Variants in SCN9A observed in about 807,000 individuals in gnomAD.
SCN9A encodes sodium channel protein type 9 subunit alpha.
Under a neutral mutation model 187.0 loss-of-function variants are expected in SCN9A, and 131 were observed. That is an observed-to-expected ratio of 0.70 (90% CI 0.61 to 0.81). The LOEUF (loss-of-function observed/expected upper bound fraction) is 0.81. Among genes scored for constraint, SCN9A ranks in the 30% least tolerant of loss-of-function variants. SCN9A has a pLI of 0.00. For synonymous variants in SCN9A, 809 were observed against 808.6 expected, an observed-to-expected ratio of 1.00 and a Z score of -0.01; for missense variants, 2,252 against 2,396.6, an observed-to-expected ratio of 0.94 and a Z score of 1.26.
chr2:166,303,879 A>C (rs1340369342), intron 6 of SCN9A, among the ~76,000 whole-genome samples: 4 of 152,176 alleles, frequency 2.6e-5, no homozygotes, highest in African/African-American at 9.6e-5. Flanking sequence ...CTAAAGACCC[A>C]TGCAATTGAT....
chr2:166,253,891 T>C (rs1237613426), intron 17 of SCN9A, among the ~76,000 whole-genome samples: 1 of 151,842 alleles, frequency 6.6e-6, no homozygotes, highest in Non-Finnish European at 1.5e-5. Context: ...GGTTTTTCTC[T>C]GAGCTGGTAA....
At chr2:166,211,651 G>A (rs1263831064) in intron 24 of SCN9A, among the ~76,000 whole-genome samples, 1 of 151,972 alleles carries the variant, frequency 6.6e-6, no homozygotes, top group Non-Finnish European at 1.5e-5. Context: ...AAAGTGTGAG[G>A]GAGGTATTAA....
Position 166,311,505 on chromosome 2 carries a change from G to A in SCN9A, c.252C>T (p.Asp84=), listed in dbSNP as rs752915464. ...PLEDLDPYYA[D]KKTFIVLNKG... Reference sequence around the variant, plus strand: ...GAAGTCAAAATAAACTCACCTTTTTGTCTGCATAGTAGGGGTCCAAGTCCT... The same window carrying A: ...GAAGTCAAAATAAACTCACCTTTTTATCTGCATAGTAGGGGTCCAAGTCCT... The change falls in exon 2 of 27, where the codon GAC becomes GAT. Residue 84 remains aspartate, a synonymous_variant. Transcript: ENST00000642356. The A allele has an allele frequency of 5.8e-6, 9 of 1,552,836 alleles. No homozygotes were observed. Among genetic ancestry groups the A allele is most frequent in the Non-Finnish European group, 7.0e-6 (8 of 1,147,490 alleles).
At chr2:166,254,643 A>G (rs1180805943) in intron 17 of SCN9A, among the ~76,000 whole-genome samples, 2 of 151,498 alleles carry the variant, frequency 1.3e-5, no homozygotes, top group African/African-American at 4.8e-5. Context: ...TCATTTCTTT[A>G]AACTCAATCA....
At chr2:166,344,926 C>T (rs1699865771) in intron 1 of SCN9A, among the ~76,000 whole-genome samples, 1 of 152,104 alleles carries the variant, frequency 6.6e-6, no homozygotes, top group African/African-American at 2.4e-5. Flanking sequence ...GAATCATGTC[C>T]TTTGTTATCT....
chr2:166,306,409 A>G (rs1698758528), intron 4 of SCN9A, 101 bp downstream of exon 4: 2 of 737,166 alleles, frequency 2.7e-6, no homozygotes, highest in Admixed American at 2.1e-5. Flanking sequence ...GGGAAGGTAA[A>G]GATTCCCCAT....
intron 26 of SCN9A, 46 bp downstream of exon 26, chr2:166,203,909 T>C: frequency 8.2e-7 from 1 of 1,224,144 alleles, no homozygotes; most frequent in South Asian, 1.5e-5. Flanking sequence ...ATAAGTGAAG[T>C]TTAGCTTTAC....
chr2:166,236,122 T>G (rs1427402700), intron 20 of SCN9A, among the ~76,000 whole-genome samples: 1 of 152,078 alleles, frequency 6.6e-6, no homozygotes, highest in Non-Finnish European at 1.5e-5. Flanking sequence ...CTACATTCCT[T>G]CTATAATTTC....
chr2:166,279,422 G>GC (rs1462729621), intron 14 of SCN9A, among the ~76,000 whole-genome samples: 1 of 152,064 alleles, frequency 6.6e-6, no homozygotes, highest in East Asian at 1.9e-4. Context: ...AGATTCTCTG[G>GC]CCCTAAAAAT....
chr2:166,267,656 T>G (rs1336406226), intron 17 of SCN9A, among the ~76,000 whole-genome samples: 1 of 152,010 alleles, frequency 6.6e-6, no homozygotes, highest in East Asian at 1.9e-4. Context: ...TTTAAATGTT[T>G]GGTAGAATTC....
intron 1 of SCN9A, among the ~76,000 whole-genome samples, chr2:166,356,790 G>A (rs1700160474): frequency 6.6e-6 from 1 of 152,158 alleles, no homozygotes; most frequent in Non-Finnish European, 1.5e-5. Flanking sequence ...GTATCAGCAT[G>A]TATAAAGCTA....
Position 166,288,637 on chromosome 2 carries a change from G to GC in SCN9A, c.1113dup (p.Arg372AlafsTer35). 1 of 1,582,238 alleles carries GC rather than the reference G, an allele frequency of 6.3e-7. No homozygotes were observed. The highest frequency in any genetic ancestry group is 8.6e-7 in the Non-Finnish European group (1 of 1,161,434). On this transcript the variant is annotated frameshift_variant, in exon 10 of 27. Transcript: ENST00000642356. LOFTEE classifies it high-confidence loss of function. ...ATCATGTAGGTTTTGCCAGCAGCAC[G>GC]CAGCGTCTAGGGAAAAATGGAAATT...
chr2:166,233,661 TAAG>T (rs1282664802), intron 20 of SCN9A, among the ~76,000 whole-genome samples, 199 bp from the exon 21 acceptor site: 2 of 152,032 alleles, frequency 1.3e-5, no homozygotes, highest in Admixed American at 6.6e-5. Context: ...TTAACCAAAA[TAAG>T]AAGAAATAAT....
intron 17 of SCN9A, among the ~76,000 whole-genome samples, chr2:166,253,339 C>G (rs1239207153): frequency 7.3e-5 from 11 of 151,692 alleles, no homozygotes; most frequent in Non-Finnish European, 1.0e-4. Context: ...CCACCAGGTC[C>G]AGGAGTTTGA....
chr2:166,210,988 C>T lies in SCN9A; in HGVS notation c.4399-6524G>A, dbSNP rs372605720. On this transcript the variant is annotated intron_variant, in intron 24 of 26. Coordinates refer to ENST00000642356, the MANE Select transcript of SCN9A (RefSeq NM_001365536.1). ...AGGCAGAGAGAATTGCTTGAACCCA[C>T]GAGGTGGAAGTTGCAGTGAGCCAAG... is the stretch of plus-strand genomic sequence containing the variant. 2.8e-4 allele frequency among the ~76,000 whole-genome samples: 42 copies of T among 151,842 alleles called. No homozygotes were observed. In the East Asian group the frequency reaches 4.5e-3, roughly 16 times the overall value.
At chr2:166,278,059 C>A in intron 15 of SCN9A, 81 bp downstream of exon 15, 1 of 1,208,608 alleles carries the variant, frequency 8.3e-7, no homozygotes, top group Admixed American at 2.6e-5. Flanking sequence ...TTCAAATTCC[C>A]AAAAGTTTTT....
intron 12 of SCN9A, among the ~76,000 whole-genome samples, chr2:166,282,070 TA>T (rs1475075982): frequency 6.6e-6 from 1 of 152,186 alleles, no homozygotes; most frequent in Non-Finnish European, 1.5e-5. Context: ...ATTTATGAGA[TA>T]AAAAATAAAG....
In SCN9A at chr2:166,307,031, T is replaced by G; in HGVS notation, c.302A>C (p.Asn101Thr). 1 of 1,612,002 alleles carries G rather than the reference T, an allele frequency of 6.2e-7. No homozygotes were observed. Among genetic ancestry groups the G allele is most frequent in the Non-Finnish European group, 8.5e-7 (1 of 1,178,332 alleles). The change falls in exon 3 of 27, where the codon AAT becomes ACT. Residue 101 changes from asparagine (N) to threonine (T), a missense_variant. Around this residue, in one of 7 missense-constraint regions of SCN9A, gnomAD observed 1,013 missense variants for 997.4 expected, o/e 1.02. Transcript: ENST00000642356. ...LNKGKTIFRF[N>T]ATPALYMLSP... ...AAGCATATATAAAGCAGGTGTGGCA[T>G]TGAAACGGAAGATTGTTTTCCCTTT...
chr2:166,295,602 G>A (rs1698264583), intron 7 of SCN9A, among the ~76,000 whole-genome samples: 1 of 152,138 alleles, frequency 6.6e-6, no homozygotes, highest in Non-Finnish European at 1.5e-5. Context: ...ATAATCTTAT[G>A]AGATCACCAT....
Sources: allele counts gnomAD v4.1 joint callset (sites outside exome capture counted in the v4.1 genomes callset), GRCh38; gene constraint gnomAD v4.1.1; regional missense constraint gnomAD v4.1.1; transcripts MANE v1.5; gene names NCBI Gene and HGNC (gene_info 2026-07-23, HGNC 2026-07-21).